Variants in SLC44A5 observed in about 807,000 individuals in gnomAD.
SLC44A5 encodes choline transporter-like protein 5.
In SLC44A5, 57 loss-of-function variants were observed where a neutral mutation model predicts 101.8. The observed-to-expected ratio is 0.56, with a 90% CI of 0.45 to 0.70. The LOEUF is 0.70. SLC44A5 is among the 30% of genes least tolerant of loss of function. The pLI is 0.00. For synonymous variants in SLC44A5, 281 were observed against 290.9 expected (o/e 0.97, Z 0.35); for missense variants, 737 against 853.1 (o/e 0.86, Z 1.70).
chr1:75,679,838 A>G, the SLC44A5 span, among the ~76,000 whole-genome samples: 1 of 152,148 alleles, frequency 6.6e-6, no homozygotes, highest in South Asian at 2.1e-4. Context: ...AAGAGTCAAG[A>G]CCCATCAGTG....
the SLC44A5 span, among the ~76,000 whole-genome samples, chr1:75,618,575 G>A: frequency 1.3e-5 from 2 of 152,130 alleles, no homozygotes; most frequent in African/African-American, 2.4e-5. Context: ...GTGTCTTTAG[G>A]TGATTTCATC....
At chr1:75,280,292 T>A (rs543410695) in intron 5 of SLC44A5, among the ~76,000 whole-genome samples, 6 of 14,058 alleles carry the variant, frequency 4.3e-4, no homozygotes, top group African/African-American at 1.3e-3. Flanking sequence ...ATTGTATATA[T>A]TATATATTGT....
At chr1:75,214,509 A>G (rs1002676272) in intron 20 of SLC44A5, 96 bp downstream of exon 20, 2 of 856,002 alleles carry the variant, frequency 2.3e-6, no homozygotes, top group African/African-American at 3.4e-5. Flanking sequence ...TTCATATCCA[A>G]TAATGCCACC....
intron 1 of SLC44A5, among the ~76,000 whole-genome samples, chr1:75,604,627 T>C (rs1675210111): frequency 1.3e-5 from 2 of 151,992 alleles, no homozygotes; most frequent in African/African-American, 4.8e-5. Context: ...GACCATTTTA[T>C]TATTCTTCCA....
chr1:75,314,244 T>C (rs1472641264), intron 4 of SLC44A5, among the ~76,000 whole-genome samples: 1 of 152,102 alleles, frequency 6.6e-6, no homozygotes, highest in Non-Finnish European at 1.5e-5. Flanking sequence ...TCTCTTTGTC[T>C]CCCCCTTTAC....
intron 2 of SLC44A5, among the ~76,000 whole-genome samples, chr1:75,495,943 TACAA>T (rs1424143789): frequency 6.6e-6 from 1 of 152,168 alleles, no homozygotes; most frequent in African/African-American, 2.4e-5. Context: ...TCTTTTGTGC[TACAA>T]ACAATCAAAT....
intron 4 of SLC44A5, among the ~76,000 whole-genome samples, chr1:75,301,605 C>T (rs1654454030): frequency 6.6e-6 from 1 of 152,092 alleles, no homozygotes; most frequent in Admixed American, 6.5e-5. Context: ...TTAGCACAGG[C>T]AGGTTGAAGT....
intron 2 of SLC44A5, among the ~76,000 whole-genome samples, chr1:75,531,112 A>G (rs1251146070): frequency 6.6e-6 from 1 of 152,184 alleles, no homozygotes; most frequent in East Asian, 1.9e-4. Context: ...ATTGCCTTTC[A>G]TGAGCAATAA....
intron 1 of SLC44A5, among the ~76,000 whole-genome samples, chr1:75,567,480 A>G (rs1387859846): frequency 1.3e-5 from 2 of 152,224 alleles, no homozygotes; most frequent in African/African-American, 2.4e-5. Flanking sequence ...AAAGCTTCAG[A>G]GTAATTGCTA....
At chr1:75,452,117 T>C (rs1369656307) in intron 2 of SLC44A5, among the ~76,000 whole-genome samples, 1 of 152,170 alleles carries the variant, frequency 6.6e-6, no homozygotes, top group East Asian at 1.9e-4. Context: ...CAAAGGTCAA[T>C]GCTAAAGAAA....
At chr1:75,702,632 T>C in the SLC44A5 span, among the ~76,000 whole-genome samples, 1 of 152,008 alleles carries the variant, frequency 6.6e-6, no homozygotes, top group Non-Finnish European at 1.5e-5. Context: ...CCAGAAGCAA[T>C]GGCAACAAAA....
the SLC44A5 span, among the ~76,000 whole-genome samples, chr1:75,672,521 A>G: frequency 6.6e-6 from 1 of 152,144 alleles, no homozygotes; most frequent in South Asian, 2.1e-4. Context: ...AAGACAGTCT[A>G]GGCCACAAGG....
chr1:75,457,178 T>C (rs1183307277), intron 2 of SLC44A5, among the ~76,000 whole-genome samples: 2 of 152,184 alleles, frequency 1.3e-5, no homozygotes, highest in African/African-American at 4.8e-5. Flanking sequence ...CTTTCGCCTG[T>C]TAATGCAGTA....
chr1:75,651,223 GGT>G, the SLC44A5 span, among the ~76,000 whole-genome samples: 1 of 152,078 alleles, frequency 6.6e-6, no homozygotes, highest in Non-Finnish European at 1.5e-5. Context: ...CTAAAAGCAT[GGT>G]TGTAGTTTAG....
chr1:75,395,799 T>C (rs1249756896), intron 3 of SLC44A5, among the ~76,000 whole-genome samples: 1 of 152,172 alleles, frequency 6.6e-6, no homozygotes, highest in Non-Finnish European at 1.5e-5. Context: ...TTAATAATAA[T>C]GTATTGCATA....
chr1:75,426,697 C>T, intron 2 of SLC44A5, among the ~76,000 whole-genome samples: 1 of 152,226 alleles, frequency 6.6e-6, no homozygotes, highest in Non-Finnish European at 1.5e-5. Context: ...AGGAGGCTGA[C>T]TCACTTTCCT....
intron 2 of SLC44A5, among the ~76,000 whole-genome samples, chr1:75,493,594 A>G (rs193114492): frequency 2.2e-4 from 34 of 152,360 alleles, no homozygotes; most frequent in Middle Eastern, 3.4e-3. Context: ...ACACAATGTA[A>G]TAATATCTTC....
At chr1:75,611,771 C>T (rs1354117267), upstream of SLC44A5, among the ~76,000 whole-genome samples, 1 of 152,100 alleles carries the variant, frequency 6.6e-6, no homozygotes, top group Non-Finnish European at 1.5e-5. Flanking sequence ...CAGGCTTCCA[C>T]TTGGCAAAAT....
intron 2 of SLC44A5, among the ~76,000 whole-genome samples, chr1:75,422,022 A>T (rs1031337123): frequency 1.3e-5 from 2 of 152,122 alleles, no homozygotes; most frequent in African/African-American, 4.8e-5. Flanking sequence ...CCCCTCTCAG[A>T]TATTCAATAA....
Sources: allele counts gnomAD v4.1 joint callset (sites outside exome capture counted in the v4.1 genomes callset), GRCh38; gene constraint gnomAD v4.1.1; transcripts MANE v1.5; gene names NCBI Gene and HGNC (gene_info 2026-07-23, HGNC 2026-07-21).